UNC79: variants seen among roughly 807,000 people sequenced by gnomAD.
UNC79 encodes the protein protein unc-79 homolog.
Under a neutral mutation model 283.1 loss-of-function variants are expected in UNC79, and 37 were observed. That is an observed-to-expected ratio of 0.13 (90% CI 0.10 to 0.17). The LOEUF is 0.17. Ranked by LOEUF, UNC79 falls within the 10% of genes least tolerant of loss-of-function variation. The pLI, the probability that UNC79 is intolerant of heterozygous loss-of-function variation, is 1.00. For missense variants in UNC79, 2,272 were observed against 3,211.1 expected, an observed-to-expected ratio of 0.71 and a Z score of 7.07; for synonymous variants, 1,107 against 1,200.2, an observed-to-expected ratio of 0.92 and a Z score of 1.61.
intron 40 of UNC79, among the ~76,000 whole-genome samples, chr14:93,665,980 T>A (rs1322834552): frequency 6.6e-6 from 1 of 151,804 alleles, no homozygotes; most frequent in East Asian, 1.9e-4. Flanking sequence ...TACAAAGCAG[T>A]AATAATAATA....
intron 44 of UNC79, chr14:93,689,740 C>CA (rs1013250468): frequency 5.7e-6 from 1 of 173,980 alleles, no homozygotes; most frequent in Non-Finnish European, 1.2e-5. Flanking sequence ...CCACCCGCCT[C>CA]AGCCTCCCAA....
intron 1 of UNC79, among the ~76,000 whole-genome samples, chr14:93,459,546 ATAAT>A (rs1396985499): frequency 6.6e-6 from 1 of 152,214 alleles, no homozygotes; most frequent in Non-Finnish European, 1.5e-5. Context: ...ACCAGTAAAA[ATAAT>A]TAAAGAACAA....
chr14:93,404,074 AG>A (rs1403959697), intron 1 of UNC79, among the ~76,000 whole-genome samples: 3 of 152,162 alleles, frequency 2.0e-5, no homozygotes, highest in Admixed American at 6.5e-5. Context: ...ATGGTGTGCA[AG>A]AAATAATTGT....
chr14:93,706,654 G>A (rs772696566), intron 48 of UNC79, 50 bp from the exon 52 acceptor site: 2 of 1,607,080 alleles, frequency 1.2e-6, no homozygotes, highest in Admixed American at 3.3e-5. Flanking sequence ...ACACTCCCTG[G>A]GTTGCCCGTG....
intron 1 of UNC79, among the ~76,000 whole-genome samples, chr14:93,394,190 G>A (rs2054941177): frequency 1.3e-5 from 2 of 151,920 alleles, no homozygotes; most frequent in African/African-American, 4.8e-5. Context: ...ATTTAGCTAA[G>A]CATTTATGCC....
In UNC79 at chr14:93,378,691, G is replaced by A. The variant is rs116338152; in HGVS notation, c.-351+45168G>A. Reference sequence around the variant, plus strand: ...ATTGCAGCCCATCACATGAGGTCAGGTGTGGAATTTTCCACTTGTGGCATC... The same window carrying A: ...ATTGCAGCCCATCACATGAGGTCAGATGTGGAATTTTCCACTTGTGGCATC... On this transcript the variant is annotated intron_variant, in intron 1 of 49. Transcript: ENST00000256339. 4.5e-3 allele frequency among the ~76,000 whole-genome samples: 691 copies of A among 152,202 alleles called. 3 individuals are homozygous for A. The highest frequency in any genetic ancestry group is 0.016 in the African/African-American group (657 of 41,530).
intron 1 of UNC79, among the ~76,000 whole-genome samples, chr14:93,454,355 T>A (rs1385573737): frequency 2.0e-5 from 3 of 152,218 alleles, no homozygotes; most frequent in Non-Finnish European, 2.9e-5. Flanking sequence ...TAGACTTTTT[T>A]CCATTGACAG....
chr14:93,456,960 T>C (rs181519917), intron 1 of UNC79, among the ~76,000 whole-genome samples: 248 of 152,250 alleles, frequency 1.6e-3, no homozygotes, highest in Middle Eastern at 3.4e-3. Context: ...TACCCCAAAA[T>C]GGATGGTGGT....
intron 1 of UNC79, among the ~76,000 whole-genome samples, chr14:93,362,858 T>C (rs2054254226): frequency 6.6e-6 from 1 of 152,170 alleles, no homozygotes; most frequent in Admixed American, 6.5e-5. Context: ...TGCTTGGGTT[T>C]ATTTAGGTCT....
At chr14:93,669,036 C>T (rs994696650) in intron 40 of UNC79, among the ~76,000 whole-genome samples, 2 of 128,866 alleles carry the variant, frequency 1.6e-5, no homozygotes, top group Non-Finnish European at 3.3e-5. Flanking sequence ...ATAACTGGAA[C>T]ATTTTACTGG....
chr14:93,656,426 G>A (rs1437592702), intron 38 of UNC79, among the ~76,000 whole-genome samples: 1 of 151,864 alleles, frequency 6.6e-6, no homozygotes, highest in Non-Finnish European at 1.5e-5. Flanking sequence ...GGAGCATGGC[G>A]AGACCTCGTC....
exon 10 of UNC79, chr14:93,529,297 A>C: frequency 6.2e-7 from 1 of 1,613,816 alleles, no homozygotes; most frequent in Non-Finnish European, 8.5e-7. Context: ...GACCACAGTG[A>C]GTGGCTGATT....
At chr14:93,557,661 C>CTACTGGTA in intron 14 of UNC79, among the ~76,000 whole-genome samples, 1 of 152,138 alleles carries the variant, frequency 6.6e-6, no homozygotes, top group African/African-American at 2.4e-5. Flanking sequence ...GAGAGTACCC[C>CTACTGGTA]CATATGGTCA....
At chr14:93,553,454 G>C (rs1487694387) in intron 14 of UNC79, among the ~76,000 whole-genome samples, 3 of 152,132 alleles carry the variant, frequency 2.0e-5, no homozygotes, top group African/African-American at 7.2e-5. Context: ...CAGTCTCCAG[G>C]TTGTCAGAGA....
intron 7 of UNC79, among the ~76,000 whole-genome samples, chr14:93,498,010 G>C (rs2059098457): frequency 6.6e-6 from 1 of 151,636 alleles, no homozygotes; most frequent in South Asian, 2.1e-4. Context: ...GACCCCGATA[G>C]GCTGGGTGCA....
At chr14:93,361,598 C>T (rs1264040626) in intron 1 of UNC79, among the ~76,000 whole-genome samples, 1 of 151,920 alleles carries the variant, frequency 6.6e-6, no homozygotes, top group African/African-American at 2.4e-5. Flanking sequence ...AGCCTTTGGT[C>T]AGACTATGAG....
intron 4 of UNC79, among the ~76,000 whole-genome samples, chr14:93,480,142 C>T (rs748190699): frequency 1.3e-5 from 2 of 152,118 alleles, no homozygotes; most frequent in Non-Finnish European, 2.9e-5. Flanking sequence ...CATGTAGTCA[C>T]GTTAGAATTC....
intron 41 of UNC79, among the ~76,000 whole-genome samples, chr14:93,677,762 G>C (rs1466079758): frequency 1.3e-5 from 2 of 152,112 alleles, no homozygotes; most frequent in African/African-American, 2.4e-5. Context: ...TGATTCTCCT[G>C]TCTCAGCCTC....
chr14:93,370,105 G>C (rs1236089723), intron 1 of UNC79, among the ~76,000 whole-genome samples: 1 of 152,068 alleles, frequency 6.6e-6, no homozygotes, highest in African/African-American at 2.4e-5. Flanking sequence ...CATTACTAAA[G>C]ACCTATTTAT....
Sources: allele counts gnomAD v4.1 joint callset (sites outside exome capture counted in the v4.1 genomes callset), GRCh38; gene constraint gnomAD v4.1.1; transcripts MANE v1.5; gene names NCBI Gene and HGNC (gene_info 2026-07-23, HGNC 2026-07-21).